Variants in TTF1 observed in about 807,000 individuals in gnomAD.
The protein encoded by TTF1 is transcription termination factor, RNA polymerase I.
Under a neutral mutation model 80.2 loss-of-function variants are expected in TTF1, and 64 were observed. That is an observed-to-expected ratio of 0.80 (90% CI 0.65 to 0.98). The LOEUF (loss-of-function observed/expected upper bound fraction) is 0.98. TTF1 is among the 50% of genes least tolerant of loss of function. The probability of loss-of-function intolerance (pLI) is 0.00; values close to 1 mark genes in which losing one functional copy is unlikely to be tolerated. For synonymous variants in TTF1, 372 were observed against 382.7 expected (o/e 0.97, Z 0.33); for missense variants, 1,023 against 1,086.2 (o/e 0.94, Z 0.82).
Position 132,386,566 on chromosome 9 carries a change from T to C in TTF1, c.2368A>G (p.Ser790Gly). 1 of 1,611,850 alleles carries C rather than the reference T, an allele frequency of 6.2e-7. No individual in the cohort carries two copies. The highest frequency in any genetic ancestry group is 8.5e-7 in the Non-Finnish European group (1 of 1,177,992). The part of the protein sequence containing the change: ...TNEIDWEDLA[S>G]AIGDVPPSYV... ...AACAAATGGTCTTACCCTATGGCACTAGCAAGATCTTCCCAGTCTATTTCA... is the reference window on the plus strand; with the variant it reads ...AACAAATGGTCTTACCCTATGGCACCAGCAAGATCTTCCCAGTCTATTTCA... The change falls in exon 9 of 11, where the codon AGT becomes GGT. Residue 790 changes from serine (S) to glycine (G), a missense_variant. Physicochemically the swap from Ser to Gly is moderately conservative, Grantham distance 56. Coordinates refer to ENST00000334270, the MANE Select transcript of TTF1 (RefSeq NM_007344.4).
At chr9:132,380,972 C>T (rs1464116754) in intron 9 of TTF1, among the ~76,000 whole-genome samples, 1 of 152,018 alleles carries the variant, frequency 6.6e-6, no homozygotes, top group South Asian at 2.1e-4. Context: ...AATGCAGTGG[C>T]GTGATCTCGG....
chr9:132,387,436 CT>C (rs1849488599), intron 8 of TTF1, among the ~76,000 whole-genome samples: 1 of 152,104 alleles, frequency 6.6e-6, no homozygotes. Context: ...TCTATGCTGC[CT>C]CTCTAGCAGG....
intron 4 of TTF1, 47 bp from the exon 5 acceptor site, chr9:132,396,558 T>C (rs747140438): frequency 1.9e-6 from 3 of 1,562,096 alleles, no homozygotes; most frequent in Non-Finnish European, 2.6e-6. Context: ...TGAAATGAAG[T>C]CGCAATTGTA....
intron 9 of TTF1, 187 bp from the exon 10 acceptor site, chr9:132,379,331 TG>T (rs1849325573): frequency 2.2e-6 from 1 of 453,268 alleles, no homozygotes; most frequent in East Asian, 3.8e-5. Context: ...ATTGTTTATT[TG>T]GTTTAAAAAA....
At position 132,401,711 on chromosome 9, in the gene TTF1, C is replaced by A. The variant is rs757647891; in HGVS notation, c.1111G>T (p.Glu371Ter). The A allele has an allele frequency of 6.2e-7, 1 of 1,614,264 alleles. No individual in the cohort carries two copies. Among genetic ancestry groups the A allele is most frequent in the Non-Finnish European group, 8.5e-7 (1 of 1,180,050 alleles). Residue 371 changes from glutamate (E) to a stop codon, truncating the protein, a stop_gained, in exon 2 of 11, where the codon GAA (glutamate) becomes TAA (stop). Transcript: ENST00000334270. LOFTEE classifies it high-confidence loss of function. ...AACCCTTTAAGAGCTGTACTGCCTTCCACAGTCCCAACCTCACTGCCCACC... is the reference window on the plus strand; with the variant it reads ...AACCCTTTAAGAGCTGTACTGCCTTACACAGTCCCAACCTCACTGCCCACC... Reference protein sequence around the residue: ...SQVGSEVGTVEGSTALKGFKE... With the variant: ...SQVGSEVGTV
rs1316622973 is a variant in TTF1, at chr9:132,398,422, G to A, written c.1592-96C>T. On this transcript the variant is annotated intron_variant, in intron 3 of 10. Transcript: ENST00000334270. Reference sequence around the variant, plus strand: ...TTTTCATCAGCAATGACAGTACCTCGGCCCAACAGTCCCAACACCTGACAT... The same window carrying A: ...TTTTCATCAGCAATGACAGTACCTCAGCCCAACAGTCCCAACACCTGACAT... The A allele has an allele frequency of 9.4e-6, 12 of 1,282,554 alleles. No individual in the cohort carries two copies. In the East Asian group the frequency reaches 1.8e-4, roughly 19 times the overall value. The allele number at this position is 1,282,554 out of a possible 1,614,324, so 79.4% of individuals were successfully genotyped here.
At position 132,402,262 on chromosome 9, in the gene TTF1, A is replaced by C. The variant is rs1230338889; in HGVS notation, c.560T>G (p.Leu187Arg). 6.2e-7 allele frequency: 1 copy of C among 1,614,090 alleles called. No homozygotes were observed. The highest frequency in any genetic ancestry group is 2.2e-5 in the East Asian group (1 of 44,886). ...SWESQRARDTLPQSESHQEES... is the reference protein window; with the variant it reads ...SWESQRARDTRPQSESHQEES... ...CTCCTGGTGGGATTCTGACTGAGGC[A>C]GGGTGTCCCTTGCCCGCTGGCTCTC... The change falls in exon 2 of 11, where the codon CTG becomes CGG. Residue 187 changes from leucine (L) to arginine (R), a missense_variant. Coordinates refer to ENST00000334270, the MANE Select transcript of TTF1 (RefSeq NM_007344.4).
At chr9:132,396,795 G>A (rs1350402655) in intron 4 of TTF1, among the ~76,000 whole-genome samples, 1 of 151,916 alleles carries the variant, frequency 6.6e-6, no homozygotes, top group Non-Finnish European at 1.5e-5. Flanking sequence ...AGCCTCCCGA[G>A]TAGCTGGGAT....
At chr9:132,404,523 C>G (rs1353448288) in intron 1 of TTF1, among the ~76,000 whole-genome samples, 1 of 151,606 alleles carries the variant, frequency 6.6e-6, no homozygotes, top group East Asian at 1.9e-4. Context: ...CTCTCCGTAT[C>G]TTCTCTCTCA....
intron 10 of TTF1, among the ~76,000 whole-genome samples, 153 bp downstream of exon 10, chr9:132,378,906 T>C (rs182214241): frequency 1.3e-5 from 2 of 152,226 alleles, no homozygotes; most frequent in East Asian, 3.9e-4. Context: ...CTGGAAGTCC[T>C]GTCAGATAGG....
Position 132,400,745 on chromosome 9 carries a change from A to C in TTF1, c.1368-487T>G, listed in dbSNP as rs139602134. On this transcript the variant is annotated intron_variant, in intron 2 of 10. Coordinates refer to ENST00000334270, the MANE Select transcript of TTF1 (RefSeq NM_007344.4). ...ACTGGAACTTGAATTACTTGGATAT[A>C]TCTCAGAGGGAGCCTAGAAGCTAAA... Among the ~76,000 whole-genome samples the C allele has an allele frequency of 4.0e-4, 61 of 152,342 alleles. 1 individual carries two copies. Among genetic ancestry groups the C allele is most frequent in the African/African-American group, 1.5e-3 (61 of 41,586 alleles).
rs146651701 is a variant in TTF1, at chr9:132,393,069, C to T, written c.1857-863G>A. Reference sequence around the variant, plus strand: ...CTGCTGGTCACCATACTGGAAGACACAGCTCTAGAAGGGAAGTTCCATGAG... The same window carrying T: ...CTGCTGGTCACCATACTGGAAGACATAGCTCTAGAAGGGAAGTTCCATGAG... On this transcript the variant is annotated intron_variant, in intron 5 of 10. Transcript: ENST00000334270. 2.9e-3 allele frequency among the ~76,000 whole-genome samples: 437 copies of T among 152,306 alleles called. 2 individuals carry two copies. The highest frequency in any genetic ancestry group is 0.01 in the African/African-American group (418 of 41,558).
Position 132,402,611 on chromosome 9 carries a change from T to C in TTF1, c.211A>G (p.Arg71Gly). ...GCATTTGCAGTCTCATCACAGATTC[T>C]GGATTTTTTCAAAGGAGAAGAAATG... is the stretch of plus-strand genomic sequence containing the variant. ...HLISSPLKKS[R>G]ICDETANATS... The change falls in exon 2 of 11, where the codon AGA becomes GGA. Residue 71 changes from arginine (R) to glycine (G), a missense_variant. By Grantham distance (125) the Arg-to-Gly change is moderately radical. Coordinates refer to ENST00000334270, the MANE Select transcript of TTF1 (RefSeq NM_007344.4). 2 of 1,613,498 alleles carry C rather than the reference T, an allele frequency of 1.2e-6. No individual in the cohort carries two copies. Among genetic ancestry groups the C allele is most frequent in the Admixed American group, 1.7e-5 (1 of 59,822 alleles).
In TTF1 at chr9:132,402,166, G is replaced by T. The variant is rs370837551; in HGVS notation, c.656C>A (p.Ser219Tyr). ...ACTGGACTTTTTCTTTTTTTTCTTA[G>T]ACTTGTTTTTATGAGCAGATGCTGG... ...ELPASAHKNK[S>Y]KKKKKKSSNR... The change falls in exon 2 of 11, where the codon TCT becomes TAT. Residue 219 changes from serine to tyrosine, a missense_variant. Physicochemically the swap from Ser to Tyr is moderately radical, Grantham distance 144 (BLOSUM62 -2). Transcript: ENST00000334270. 9.3e-6 allele frequency: 15 copies of T among 1,613,682 alleles called. No individual in the cohort carries two copies. The African/African-American group carries it at 1.9e-4, about 20-fold the overall frequency.
chr9:132,379,884 T>C (rs916453956), intron 9 of TTF1, among the ~76,000 whole-genome samples: 12 of 152,206 alleles, frequency 7.9e-5, no homozygotes, highest in African/African-American at 2.9e-4. Context: ...GGGCACTTTT[T>C]CCTAATAAAA....
chr9:132,392,499 C>T (rs1045014618), intron 5 of TTF1, among the ~76,000 whole-genome samples: 3 of 152,244 alleles, frequency 2.0e-5, no homozygotes, highest in Middle Eastern at 3.4e-3. Context: ...TTCCTCCACC[C>T]GACCTGGACA....
intron 9 of TTF1, among the ~76,000 whole-genome samples, chr9:132,385,385 G>C (rs1432074001): frequency 1.3e-5 from 2 of 152,230 alleles, no homozygotes; most frequent in Non-Finnish European, 2.9e-5. Context: ...AAGGTAACTG[G>C]AACTCCTGGA....
chr9:132,388,120 C>T lies in TTF1; in HGVS notation c.2312+19G>A. On this transcript the variant is annotated intron_variant, in intron 8 of 10. Transcript: ENST00000334270. ...AGAGACAGAAACAGTTAAGAGGCAT[C>T]CGTTTCTATTTTTCATACCTTTCAA... 1 of 1,590,660 alleles carries T rather than the reference C, an allele frequency of 6.3e-7. No individual in the cohort carries two copies. Among genetic ancestry groups the T allele is most frequent in the Non-Finnish European group, 8.6e-7 (1 of 1,161,282 alleles).
chr9:132,396,378 G>A, intron 5 of TTF1, 55 bp downstream of exon 5: 3 of 1,516,380 alleles, frequency 2.0e-6, no homozygotes, highest in East Asian at 2.3e-5. Context: ...TTGATTTATG[G>A]TATCAGCAAA....
Sources: allele counts gnomAD v4.1 joint callset (sites outside exome capture counted in the v4.1 genomes callset), GRCh38; gene constraint gnomAD v4.1.1; transcripts MANE v1.5; gene names NCBI Gene and HGNC (gene_info 2026-07-23, HGNC 2026-07-21).